The following LRRIQ3 variants were observed in gnomAD, a reference collection of about 807,000 sequenced individuals.
LRRIQ3 encodes the protein leucine-rich repeat and IQ domain-containing protein 3.
LRRIQ3 carries 75 observed loss-of-function variants against 59.3 expected under a neutral mutation model. The ratio of observed to expected loss-of-function variants is 1.26; its 90% CI spans 1.05 to 1.53. LRRIQ3 has a LOEUF of 1.53. LRRIQ3 is among the 40% of genes most tolerant of loss of function. The pLI is 0.00. For missense variants in LRRIQ3, 831 were observed against 710.0 expected, an observed-to-expected ratio of 1.17 and a Z score of -1.94; for synonymous variants, 250 against 231.3, an observed-to-expected ratio of 1.08 and a Z score of -0.73.
At chr1:74,109,325 G>A (rs759341924) in intron 5 of LRRIQ3, 69 bp downstream of exon 5, 37 of 1,051,704 alleles carry the variant, frequency 3.5e-5, no homozygotes, top group Non-Finnish European at 4.6e-5. Flanking sequence ...AAATAATAGC[G>A]CTACCTAAAT....
At chr1:74,091,999 GT>G (rs1646399810) in intron 5 of LRRIQ3, among the ~76,000 whole-genome samples, 1 of 151,688 alleles carries the variant, frequency 6.6e-6, no homozygotes, top group African/African-American at 2.4e-5. Context: ...GCAGCTGAAT[GT>G]AATGATAAAA....
intron 4 of LRRIQ3, among the ~76,000 whole-genome samples, chr1:74,119,181 T>C (rs1209145464): frequency 2.6e-5 from 4 of 152,288 alleles, no homozygotes; most frequent in African/African-American, 9.6e-5. Context: ...TCACCAGCAA[T>C]ATAATTCCCT....
At chr1:74,028,515 G>A (rs1653589361) in intron 7 of LRRIQ3, among the ~76,000 whole-genome samples, 3 of 151,964 alleles carry the variant, frequency 2.0e-5, no homozygotes, top group African/African-American at 4.8e-5. Context: ...GCAACAAGAC[G>A]GGAAGAAAGA....
chr1:74,044,977 C>T (rs1163434444), intron 6 of LRRIQ3, among the ~76,000 whole-genome samples: 1 of 152,066 alleles, frequency 6.6e-6, no homozygotes, highest in African/African-American at 2.4e-5. Flanking sequence ...TAATAGCCTA[C>T]CAACCAAAAA....
At chr1:74,112,791 A>G (rs1646719359) in intron 4 of LRRIQ3, among the ~76,000 whole-genome samples, 1 of 152,190 alleles carries the variant, frequency 6.6e-6, no homozygotes, top group Non-Finnish European at 1.5e-5. Context: ...TCACTAAAAT[A>G]GTCCAGCCAA....
At chr1:74,095,798 G>C (rs975828873) in intron 5 of LRRIQ3, among the ~76,000 whole-genome samples, 8 of 151,938 alleles carry the variant, frequency 5.3e-5, no homozygotes, top group South Asian at 4.1e-4. Flanking sequence ...CCTAATCTAA[G>C]TGTTACTTTA....
chr1:74,192,795 G>A (rs962790609), intron 1 of LRRIQ3, among the ~76,000 whole-genome samples: 15 of 152,092 alleles, frequency 9.9e-5, no homozygotes, highest in East Asian at 1.9e-4. Context: ...AGAATATAAC[G>A]TATGTGTCAG....
intron 7 of LRRIQ3, among the ~76,000 whole-genome samples, chr1:74,037,491 G>A (rs1214513142): frequency 6.6e-6 from 1 of 151,920 alleles, no homozygotes. Flanking sequence ...TACAAAAAAC[G>A]GCTTGGTGTG....
intron 4 of LRRIQ3, among the ~76,000 whole-genome samples, chr1:74,129,217 G>A (rs1601152): frequency 0.54 from 81,699 of 151,706 alleles, 22,368 homozygotes; most frequent in East Asian, 0.82. Flanking sequence ...CTTGGTCCCA[G>A]GTAGGTCAAG....
chr1:74,121,067 CTT>C (rs1413065849), intron 4 of LRRIQ3, among the ~76,000 whole-genome samples: 1 of 152,052 alleles, frequency 6.6e-6, no homozygotes, highest in Non-Finnish European at 1.5e-5. Flanking sequence ...ATTTAAAAAA[CTT>C]TTCCTATGTG....
At chr1:74,124,746 G>C (rs951679121) in intron 4 of LRRIQ3, among the ~76,000 whole-genome samples, 2 of 151,840 alleles carry the variant, frequency 1.3e-5, no homozygotes, top group Non-Finnish European at 1.5e-5. Context: ...GTCCTATGTT[G>C]TTTTGGTTAC....
At chr1:74,193,351 T>C (rs900444363) in intron 1 of LRRIQ3, among the ~76,000 whole-genome samples, 4 of 152,112 alleles carry the variant, frequency 2.6e-5, no homozygotes, top group African/African-American at 9.7e-5. Context: ...TCAGCAAACC[T>C]TTCCTTAGTT....
chr1:74,051,630 A>G (rs112841403), intron 6 of LRRIQ3, among the ~76,000 whole-genome samples: 3 of 152,082 alleles, frequency 2.0e-5, no homozygotes, highest in Non-Finnish European at 4.4e-5. Flanking sequence ...CCCCATACGC[A>G]TTAGAGTCAT....
chr1:74,142,106 G>T (rs746568839), intron 4 of LRRIQ3, among the ~76,000 whole-genome samples: 1 of 151,746 alleles, frequency 6.6e-6, no homozygotes, highest in South Asian at 2.1e-4. Flanking sequence ...TGCAATGAAC[G>T]TGAGAGTGCA....
At chr1:74,053,160 AC>A (rs1654418528) in intron 6 of LRRIQ3, among the ~76,000 whole-genome samples, 1 of 101,784 alleles carries the variant, frequency 9.8e-6, no homozygotes, top group African/African-American at 3.4e-5. Context: ...TAATGAAATA[AC>A]CGGTCCTCCA....
intron 6 of LRRIQ3, among the ~76,000 whole-genome samples, chr1:74,062,787 T>G (rs766303662): frequency 6.6e-6 from 1 of 151,926 alleles, no homozygotes; most frequent in Non-Finnish European, 1.5e-5. Context: ...ACATCAAGTA[T>G]ATATGGATAC....
At chr1:74,136,287 G>A (rs1034437224) in intron 4 of LRRIQ3, among the ~76,000 whole-genome samples, 14 of 151,888 alleles carry the variant, frequency 9.2e-5, no homozygotes, top group Admixed American at 2.6e-4. Context: ...CTTCACTGGT[G>A]AATTTTACTA....
At chr1:74,149,955 A>T (rs1647818285) in intron 4 of LRRIQ3, among the ~76,000 whole-genome samples, 1 of 152,220 alleles carries the variant, frequency 6.6e-6, no homozygotes. Flanking sequence ...CTTAGCTGCC[A>T]GTGTACCCAT....
chr1:74,138,163 CAAAA>C (rs71588822), intron 4 of LRRIQ3, among the ~76,000 whole-genome samples: 9 of 111,630 alleles, frequency 8.1e-5, no homozygotes, highest in African/African-American at 2.6e-4. Flanking sequence ...AACAAACAAA[CAAAA>C]AAAAAAAACA....
Sources: allele counts gnomAD v4.1 joint callset (sites outside exome capture counted in the v4.1 genomes callset), GRCh38; gene constraint gnomAD v4.1.1; transcripts MANE v1.5; gene names NCBI Gene and HGNC (gene_info 2026-07-23, HGNC 2026-07-21).